The following DDR2 variants were observed in gnomAD, a reference collection of about 807,000 sequenced individuals.
DDR2 encodes the protein discoidin domain-containing receptor 2.
DDR2 carries 27 observed loss-of-function variants against 94.9 expected under a neutral mutation model. That is an observed-to-expected ratio of 0.28 (90% CI 0.21 to 0.39). The LOEUF is 0.39. Among genes scored for constraint, DDR2 ranks in the 10% least tolerant of loss-of-function variants. The pLI, the probability that DDR2 is intolerant of heterozygous loss-of-function variation, is 1.00. For synonymous variants in DDR2, 382 were observed against 377.2 expected (o/e 1.01, Z -0.15); for missense variants, 783 against 1,076.0 (o/e 0.73, Z 3.81).
intron 1 of DDR2, among the ~76,000 whole-genome samples, chr1:162,654,958 C>T: frequency 6.6e-6 from 1 of 152,136 alleles, no homozygotes; most frequent in Non-Finnish European, 1.5e-5. Flanking sequence ...TATTATTCAA[C>T]AAAATTACTA....
chr1:162,777,147 T>C (rs1647610301), intron 16 of DDR2, among the ~76,000 whole-genome samples: 1 of 152,200 alleles, frequency 6.6e-6, no homozygotes, highest in Non-Finnish European at 1.5e-5. Flanking sequence ...AAAAAATGTA[T>C]AGTTATTCCC....
intron 3 of DDR2, among the ~76,000 whole-genome samples, chr1:162,748,281 G>A (rs1481586851): frequency 2.6e-5 from 4 of 152,222 alleles, no homozygotes; most frequent in African/African-American, 7.2e-5. Flanking sequence ...ACACACATAG[G>A]CTCAAAATAA....
intron 11 of DDR2, among the ~76,000 whole-genome samples, chr1:162,767,590 T>C (rs755745451): frequency 2.0e-5 from 3 of 152,178 alleles, no homozygotes; most frequent in Non-Finnish European, 4.4e-5. Flanking sequence ...TGCAGAAAAC[T>C]CTTCTTAATA....
Position 162,749,502 on chromosome 1 carries a change from C to A in DDR2, c.83-3593C>A, listed in dbSNP as rs148852468. Among the ~76,000 whole-genome samples the A allele has an allele frequency of 9.5e-3, 1,448 of 152,118 alleles. 22 individuals carry two copies. Among genetic ancestry groups the A allele is most frequent in the African/African-American group, 0.033 (1,379 of 41,520 alleles). On this transcript the variant is annotated intron_variant, in intron 3 of 17. Transcript: ENST00000367921. ...AGACCAATAACAGGCTCTGAAATTGCGGCAATAATTAATAGCCTACCAACC... is the reference window on the plus strand; with the variant it reads ...AGACCAATAACAGGCTCTGAAATTGAGGCAATAATTAATAGCCTACCAACC...
chr1:162,642,850 T>G (rs1340186650), intron 1 of DDR2, among the ~76,000 whole-genome samples: 1 of 152,188 alleles, frequency 6.6e-6, no homozygotes, highest in African/African-American at 2.4e-5. Context: ...AATTCTTATT[T>G]GAACATTCAG....
intron 1 of DDR2, among the ~76,000 whole-genome samples, chr1:162,643,892 G>T (rs1334578930): frequency 6.6e-6 from 1 of 152,184 alleles, no homozygotes; most frequent in Non-Finnish European, 1.5e-5. Context: ...GAGAAGCCTG[G>T]GAAGGAGTTC....
intron 12 of DDR2, among the ~76,000 whole-genome samples, chr1:162,771,810 A>G (rs1005955315): frequency 3.3e-5 from 5 of 152,226 alleles, no homozygotes; most frequent in African/African-American, 1.2e-4. Flanking sequence ...ATCATGTATT[A>G]TGAGGAAAAG....
In DDR2 at chr1:162,787,405, A is replaced by T. The variant is rs1304182860; in HGVS notation, c.*7159A>T. ...TTAAATGGCATCTATTTTGAACTCT[A>T]TTCTAGTCTCTCTGAGCACCTCTAG... is the stretch of plus-strand genomic sequence containing the variant. On this transcript the variant is annotated 3_prime_UTR_variant, in exon 18 of 18. Coordinates refer to ENST00000367921, the MANE Select transcript of DDR2 (RefSeq NM_006182.4). 6.6e-6 allele frequency: 1 copy of T among 150,494 alleles called. No homozygotes were observed. The highest frequency in any genetic ancestry group is 6.6e-5 in the Admixed American group (1 of 15,038). The allele number at this position is 150,494 out of a possible 1,614,324, so 9.3% of individuals were successfully genotyped here.
intron 2 of DDR2, among the ~76,000 whole-genome samples, chr1:162,699,035 T>TA (rs1240017647): frequency 6.6e-6 from 1 of 152,046 alleles, no homozygotes; most frequent in South Asian, 2.1e-4. Flanking sequence ...CTCTGGGACT[T>TA]ACGCTTATTT....
chr1:162,706,819 CAT>C (rs1643249468), intron 2 of DDR2, among the ~76,000 whole-genome samples: 1 of 152,158 alleles, frequency 6.6e-6, no homozygotes, highest in African/African-American at 2.4e-5. Flanking sequence ...CTGGAACAAA[CAT>C]ATTTTCTGCA....
At chr1:162,687,780 G>A (rs7523630) in intron 2 of DDR2, among the ~76,000 whole-genome samples, 8,270 of 152,204 alleles carry the variant, frequency 0.054, 737 homozygotes, top group African/African-American at 0.18. Context: ...GACATCATCA[G>A]TACTGGCCCT....
intron 3 of DDR2, among the ~76,000 whole-genome samples, chr1:162,742,965 C>T (rs1662684256): frequency 6.6e-6 from 1 of 152,080 alleles, no homozygotes; most frequent in African/African-American, 2.4e-5. Flanking sequence ...AATTCAGTTA[C>T]CTCCCCCTAG....
At chr1:162,731,703 A>C (rs1662053050) in intron 3 of DDR2, among the ~76,000 whole-genome samples, 1 of 152,200 alleles carries the variant, frequency 6.6e-6, no homozygotes, top group African/African-American at 2.4e-5. Context: ...CCTCTTAGAT[A>C]TCATTTATTG....
intron 2 of DDR2, among the ~76,000 whole-genome samples, chr1:162,657,738 G>T (rs1028104736): frequency 6.6e-6 from 1 of 151,984 alleles, no homozygotes; most frequent in Non-Finnish European, 1.5e-5. Context: ...CAGCACCGAC[G>T]GCCCCGTGCT....
chr1:162,653,802 T>C (rs963072707), intron 1 of DDR2, among the ~76,000 whole-genome samples: 6 of 152,262 alleles, frequency 3.9e-5, no homozygotes, highest in Admixed American at 3.9e-4. Flanking sequence ...TTTGGTTGTT[T>C]TGTCAACTTT....
At chr1:162,718,074 C>T (rs988396362) in intron 2 of DDR2, among the ~76,000 whole-genome samples, 5 of 152,182 alleles carry the variant, frequency 3.3e-5, no homozygotes, top group African/African-American at 1.2e-4. Flanking sequence ...TAATTTATAG[C>T]AGCATGAACT....
chr1:162,649,426 G>T lies in DDR2; in HGVS notation c.-191-5785G>T, dbSNP rs954054813. ...TGTCATGCAAAGAAACAAGAGTTGG[G>T]ATTTGGGTCCAGGCTTTGCCACTAA... On this transcript the variant is annotated intron_variant, in intron 1 of 17. Coordinates refer to ENST00000367921, the MANE Select transcript of DDR2 (RefSeq NM_006182.4). Among the ~76,000 whole-genome samples the T allele has an allele frequency of 3.3e-5, 5 of 152,172 alleles. No individual in the cohort carries two copies. In the East Asian group the frequency reaches 7.7e-4, roughly 23 times the overall value.
chr1:162,731,141 A>G (rs1662029483), intron 3 of DDR2, among the ~76,000 whole-genome samples: 1 of 152,204 alleles, frequency 6.6e-6, no homozygotes, highest in South Asian at 2.1e-4. Flanking sequence ...AGCACTAATT[A>G]CTGCACACTA....
chr1:162,631,305 C>T (rs1656551541), upstream of DDR2: 1 of 152,186 alleles, frequency 6.6e-6, no homozygotes, highest in Admixed American at 6.6e-5. Flanking sequence ...TCTTTCCATC[C>T]TCCCTTTCCT....
Sources: allele counts gnomAD v4.1 joint callset (sites outside exome capture counted in the v4.1 genomes callset), GRCh38; gene constraint gnomAD v4.1.1; transcripts MANE v1.5; gene names NCBI Gene and HGNC (gene_info 2026-07-23, HGNC 2026-07-21).